The following CHRM3 variants were observed in gnomAD, a reference collection of about 807,000 sequenced individuals.
The protein encoded by CHRM3 is cholinergic receptor muscarinic 3, also known as muscarinic acetylcholine receptor M3.
CHRM3 carries 11 observed loss-of-function variants against 41.8 expected under a neutral mutation model. The observed-to-expected ratio is 0.26, with a 90% CI of 0.17 to 0.44. The LOEUF is 0.44. Ranked by LOEUF, CHRM3 falls within the 20% of genes least tolerant of loss-of-function variation. The pLI is 1.00. For synonymous variants in CHRM3, 297 were observed against 301.4 expected, an observed-to-expected ratio of 0.99 and a Z score of 0.15; for missense variants, 571 against 745.4, an observed-to-expected ratio of 0.77 and a Z score of 2.72.
chr1:239,643,364 C>T (rs1295296007), intron 4 of CHRM3, among the ~76,000 whole-genome samples: 1 of 152,178 alleles, frequency 6.6e-6, no homozygotes, highest in Non-Finnish European at 1.5e-5. Flanking sequence ...GTGCCCTGCC[C>T]CCAGAGGTGG....
chr1:239,852,099 T>G lies in CHRM3; in HGVS notation c.-20+24721T>G, dbSNP rs545201537. On this transcript the variant is annotated intron_variant, in intron 6 of 6. Transcript: ENST00000676153. ...AGAAACATGAGACAGCAGGTCCAAT[T>G]CAACTCCAATAAACTCTCTTCTATT... Among the ~76,000 whole-genome samples, 5 of 152,270 alleles carry G rather than the reference T, an allele frequency of 3.3e-5. No homozygotes were observed. In the East Asian group the frequency reaches 9.7e-4, roughly 29 times the overall value.
At chr1:239,488,398 T>C (rs58734274) in intron 1 of CHRM3, among the ~76,000 whole-genome samples, 4,144 of 152,070 alleles carry the variant, frequency 0.027, 82 homozygotes, top group Non-Finnish European at 0.042. Flanking sequence ...TAAATCTCTA[T>C]TGTGGAATTA....
At chr1:239,606,062 C>A (rs990947501) in intron 3 of CHRM3, 2 of 151,994 alleles carry the variant, frequency 1.3e-5, no homozygotes, top group African/African-American at 4.8e-5. Flanking sequence ...ACGCAGAGTG[C>A]GGAAGCAGAG....
intron 4 of CHRM3, among the ~76,000 whole-genome samples, chr1:239,662,893 C>CTCTTCTTCTTCTTCTTCTTCTTCT (rs67465048): frequency 0.031 from 1,418 of 46,390 alleles, 65 homozygotes; most frequent in African/African-American, 0.056. Context: ...CTTCCTCCTC[C>CTCTTCTTCTTCTTCTTCTTCTTCT]TCTTCTTCTT....
chr1:239,702,149 TG>T (rs1210867672), intron 5 of CHRM3, among the ~76,000 whole-genome samples: 5 of 152,176 alleles, frequency 3.3e-5, no homozygotes, highest in Admixed American at 6.6e-5. Context: ...GCTTGGTGAA[TG>T]TTGCTGCTCT....
At chr1:239,587,465 G>A (rs1463886638) in intron 3 of CHRM3, among the ~76,000 whole-genome samples, 6 of 152,136 alleles carry the variant, frequency 3.9e-5, no homozygotes, top group African/African-American at 1.4e-4. Flanking sequence ...ACACCAGAAA[G>A]AACTTTTTTC....
chr1:239,555,227 G>A (rs1368688975), intron 3 of CHRM3, among the ~76,000 whole-genome samples: 1 of 152,090 alleles, frequency 6.6e-6, no homozygotes, highest in Non-Finnish European at 1.5e-5. Flanking sequence ...TTTCACCAAA[G>A]GAAGAAAAGC....
chr1:239,418,888 G>T (rs1288406645), intron 1 of CHRM3, among the ~76,000 whole-genome samples: 1 of 152,162 alleles, frequency 6.6e-6, no homozygotes, highest in African/African-American at 2.4e-5. Context: ...GCCATTCTTG[G>T]TGACCTCATT....
At chr1:239,820,630 A>G (rs1572398309) in intron 5 of CHRM3, among the ~76,000 whole-genome samples, 1 of 152,076 alleles carries the variant, frequency 6.6e-6, no homozygotes, top group African/African-American at 2.4e-5. Context: ...TTTTTTCAGT[A>G]CAGCATGTAC....
In CHRM3 at chr1:239,907,753, C is replaced by T; in HGVS notation, c.302C>T (p.Thr101Met). 2 of 1,614,164 alleles carry T rather than the reference C, an allele frequency of 1.2e-6. No homozygotes were observed. The highest frequency in any genetic ancestry group is 1.7e-6 in the Non-Finnish European group (2 of 1,180,042). ...VSFKVNKQLK[T>M]VNNYFLLSLA... The stretch of plus-strand genomic sequence containing the variant: ...TTTAAGGTCAACAAGCAGCTGAAGA[C>T]GGTCAACAACTACTTCCTCTTAAGC... Residue 101 changes from threonine (T) to methionine (M), a missense_variant, in exon 7 of 7, where the codon ACG becomes ATG. Thr to Met is a moderately conservative substitution (Grantham distance 81). Around this residue, in one of 5 missense-constraint regions of CHRM3, gnomAD observed 153 missense variants for 296.3 expected, o/e 0.52. Transcript: ENST00000676153. This position sits in a 1 kb window ranked among gnomAD's most constrained non-coding sequence, Gnocchi z 5.4.
rs139544655 is a variant in CHRM3, at chr1:239,431,809, C to T, written c.-521+44582C>T. On this transcript the variant is annotated intron_variant, in intron 1 of 6. Coordinates refer to ENST00000676153, the MANE Select transcript of CHRM3 (RefSeq NM_001375978.1). ...AATTAACTAAACAAACCTCTAGACTCGAATCCTAAACTAATGTTATTTCCA... is the reference window on the plus strand; with the variant it reads ...AATTAACTAAACAAACCTCTAGACTTGAATCCTAAACTAATGTTATTTCCA... Among the ~76,000 whole-genome samples, 1,139 of 152,256 alleles carry T rather than the reference C, an allele frequency of 7.5e-3. 7 individuals carry two copies. The highest frequency in any genetic ancestry group is 9.3e-3 in the Non-Finnish European group (632 of 68,010).
chr1:239,827,896 T>A (rs1672581338), intron 6 of CHRM3, among the ~76,000 whole-genome samples: 1 of 152,206 alleles, frequency 6.6e-6, no homozygotes, highest in South Asian at 2.1e-4. Flanking sequence ...TTAATGTATT[T>A]TAAATTAAAA....
intron 1 of CHRM3, among the ~76,000 whole-genome samples, chr1:239,481,517 G>C (rs888911537): frequency 6.6e-6 from 1 of 152,176 alleles, no homozygotes; most frequent in African/African-American, 2.4e-5. Context: ...TATTGGGATA[G>C]AGGTCATATT....
intron 5 of CHRM3, among the ~76,000 whole-genome samples, chr1:239,746,313 C>T (rs891217017): frequency 6.6e-6 from 1 of 152,138 alleles, no homozygotes; most frequent in Non-Finnish European, 1.5e-5. Context: ...TGTTCTGTGC[C>T]AGGCACTTTC....
chr1:239,579,680 T>A lies in CHRM3; in HGVS notation c.-313+33931T>A, dbSNP rs193115150. Among the ~76,000 whole-genome samples, 842 of 152,318 alleles carry A rather than the reference T, an allele frequency of 5.5e-3. 5 individuals carry two copies. The highest frequency in any genetic ancestry group is 0.016 in the African/African-American group (661 of 41,580). On this transcript the variant is annotated intron_variant, in intron 3 of 6. Coordinates refer to ENST00000676153, the MANE Select transcript of CHRM3 (RefSeq NM_001375978.1). ...ATTTTTTTGCCTTCAATAATTGTTG[T>A]GCACCTCAATGTATTTTGTATTTTG...
intron 5 of CHRM3, among the ~76,000 whole-genome samples, chr1:239,711,850 T>C (rs1661829666): frequency 6.6e-6 from 1 of 151,968 alleles, no homozygotes. Context: ...CACCATACTC[T>C]GCTAACTTTA....
intron 5 of CHRM3, among the ~76,000 whole-genome samples, chr1:239,791,692 A>AAAAAG (rs1434453550): frequency 6.6e-6 from 1 of 152,208 alleles, no homozygotes; most frequent in Non-Finnish European, 1.5e-5. Flanking sequence ...GAGCTTGAGA[A>AAAAAG]AAAAGAAAAG....
chr1:239,623,554 T>G, intron 3 of CHRM3, among the ~76,000 whole-genome samples: 1 of 118,214 alleles, frequency 8.5e-6, no homozygotes, highest in Admixed American at 8.7e-5. Flanking sequence ...TTGTGCAGGT[T>G]AGTTACATAT....
rs1667700224 is a variant in CHRM3, at chr1:239,493,706, T to A, written c.-422+899T>A. Among the ~76,000 whole-genome samples, 3 of 152,314 alleles carry A rather than the reference T, an allele frequency of 2.0e-5. 1 individual carries two copies. Among genetic ancestry groups the A allele is most frequent in the Non-Finnish European group, 4.4e-5 (3 of 68,030 alleles). On this transcript the variant is annotated intron_variant, in intron 2 of 6. Coordinates refer to ENST00000676153, the MANE Select transcript of CHRM3 (RefSeq NM_001375978.1). ...ACTACCTATAAGGAAGAATGAGAAT[T>A]CAGACCCTAGGCATTACTGATGCTC...
Sources: allele counts gnomAD v4.1 joint callset (sites outside exome capture counted in the v4.1 genomes callset), GRCh38; gene constraint gnomAD v4.1.1; regional missense constraint gnomAD v4.1.1; non-coding constraint Gnocchi (gnomAD v3.1); transcripts MANE v1.5; gene names NCBI Gene and HGNC (gene_info 2026-07-23, HGNC 2026-07-21).